The following DAB1 variants were observed in gnomAD, a reference collection of about 807,000 sequenced individuals.
The protein encoded by DAB1 is disabled homolog 1.
A neutral mutation model predicts 64.6 loss-of-function variants in DAB1; 15 were observed. The ratio of observed to expected loss-of-function variants is 0.23; its 90% confidence interval spans 0.16 to 0.36. DAB1 has a LOEUF of 0.36. DAB1 is among the 10% of genes least tolerant of loss of function. DAB1 has a pLI of 1.00. For missense variants in DAB1, 596 were observed against 706.7 expected (o/e 0.84, Z 1.78); for synonymous variants, 235 against 251.9 (o/e 0.93, Z 0.64).
chr1:57,920,441 T>C (rs565136208), intron 5 of DAB1, among the ~76,000 whole-genome samples: 1 of 152,198 alleles, frequency 6.6e-6, no homozygotes, highest in South Asian at 2.1e-4. Flanking sequence ...GCCTCCCAAG[T>C]AGCTGGTGAG....
At chr1:57,024,643 C>T (rs2100385769) in intron 10 of DAB1, among the ~76,000 whole-genome samples, 1 of 152,314 alleles carries the variant, frequency 6.6e-6, no homozygotes, top group South Asian at 2.1e-4. Context: ...GTGTTAAGCA[C>T]TTTTAAACAC....
At chr1:58,068,491 C>T (rs866724754) in intron 5 of DAB1, among the ~76,000 whole-genome samples, 10 of 152,136 alleles carry the variant, frequency 6.6e-5, no homozygotes, top group African/African-American at 2.4e-4. Flanking sequence ...ATCGCCTGGG[C>T]ATGGTGGCTC....
intron 3 of DAB1, among the ~76,000 whole-genome samples, chr1:58,499,554 G>A (rs1048334280): frequency 8.2e-5 from 12 of 145,774 alleles, no homozygotes; most frequent in Admixed American, 7.5e-4. Context: ...TTTCAGTCAG[G>A]AAAAGTAGCT....
intron 5 of DAB1, among the ~76,000 whole-genome samples, chr1:57,982,604 T>A (rs1453472263): frequency 6.6e-6 from 1 of 152,186 alleles, no homozygotes; most frequent in African/African-American, 2.4e-5. Flanking sequence ...GTGGTTTCAG[T>A]ATCTTTAAGA....
intron 1 of DAB1, among the ~76,000 whole-genome samples, chr1:57,384,172 C>T (rs1681603421): frequency 6.6e-6 from 1 of 152,080 alleles, no homozygotes; most frequent in South Asian, 2.1e-4. Flanking sequence ...TAGGAAAATG[C>T]AAATTAAAGC....
intron 7 of DAB1, among the ~76,000 whole-genome samples, chr1:57,504,250 G>T (rs554757197): frequency 6.6e-5 from 10 of 152,070 alleles, no homozygotes; most frequent in Non-Finnish European, 1.5e-4. Context: ...TTCAATAAAG[G>T]GAACCAGGAT....
At chr1:58,444,524 C>T (rs1645044932) in intron 3 of DAB1, among the ~76,000 whole-genome samples, 1 of 152,184 alleles carries the variant, frequency 6.6e-6, no homozygotes, top group Non-Finnish European at 1.5e-5. Flanking sequence ...CACCCCAACC[C>T]TCACAGCAGC....
intron 4 of DAB1, among the ~76,000 whole-genome samples, chr1:58,324,040 T>G (rs952364243): frequency 5.3e-5 from 8 of 152,138 alleles, no homozygotes; most frequent in Non-Finnish European, 8.8e-5. Flanking sequence ...GTCTCACTGG[T>G]GGTACAAACA....
intron 1 of DAB1, among the ~76,000 whole-genome samples, chr1:57,314,981 A>T (rs960070913): frequency 6.6e-6 from 1 of 152,198 alleles, no homozygotes; most frequent in Admixed American, 6.5e-5. Context: ...TGTCAAGGGC[A>T]CTTACTTTAA....
intron 2 of DAB1, among the ~76,000 whole-genome samples, chr1:57,274,413 A>T (rs966873341): frequency 3.3e-5 from 5 of 152,212 alleles, no homozygotes; most frequent in Non-Finnish European, 7.3e-5. Context: ...TCTTTTAAAA[A>T]TCCAGACGAG....
intron 4 of DAB1, among the ~76,000 whole-genome samples, chr1:58,207,736 G>C (rs1159428879): frequency 2.0e-5 from 3 of 152,150 alleles, no homozygotes; most frequent in African/African-American, 7.2e-5. Context: ...GATATAGGTA[G>C]TCAACACAGA....
chr1:58,347,805 G>C (rs1644015926), intron 3 of DAB1, among the ~76,000 whole-genome samples: 1 of 151,804 alleles, frequency 6.6e-6, no homozygotes, highest in Non-Finnish European at 1.5e-5. Context: ...GGAAAGAGAA[G>C]CTAACTATTT....
intron 5 of DAB1, among the ~76,000 whole-genome samples, chr1:58,125,762 T>C (rs1290828004): frequency 1.3e-5 from 2 of 152,170 alleles, no homozygotes; most frequent in Non-Finnish European, 2.9e-5. Flanking sequence ...TAACACTTTT[T>C]ATGGGACATT....
At chr1:57,001,461 A>G (rs1334112060) in intron 14 of DAB1, among the ~76,000 whole-genome samples, 1 of 152,198 alleles carries the variant, frequency 6.6e-6, no homozygotes, top group African/African-American at 2.4e-5. Context: ...CTTCTAGAGC[A>G]TGAATCAAAA....
rs372665182 is a variant in DAB1 at position 57,145,353 on chromosome 1, C to T, written c.144G>A (p.Gly48=). ...EGVRYKAKLI[G]IDEVSAARGD... is the part of the protein sequence containing the mutation. ...CCCGAGCTGCGGAAACTTCATCAAT[C>T]CCGATCAATTTGGCTTTGTACCGGA... Residue 48 remains glycine (G), a synonymous_variant, in exon 3 of 15, where the codon GGG becomes GGA. Coordinates refer to ENST00000371236, the MANE Select transcript of DAB1 (RefSeq NM_001365792.1). 6.2e-7 allele frequency: 1 copy of T among 1,614,120 alleles called. No homozygotes were observed. The highest frequency in any genetic ancestry group is 8.5e-7 in the Non-Finnish European group (1 of 1,179,976).
chr1:57,828,612 T>A (rs1421611600), intron 1 of DAB1, among the ~76,000 whole-genome samples: 1 of 152,218 alleles, frequency 6.6e-6, no homozygotes, highest in East Asian at 1.9e-4. Context: ...TGCATGTAGA[T>A]ACTGACTTGG....
At chr1:58,490,591 ATG>A (rs1645663648) in intron 3 of DAB1, among the ~76,000 whole-genome samples, 6 of 152,094 alleles carry the variant, frequency 3.9e-5, no homozygotes, top group African/African-American at 1.4e-4. Context: ...AATACAGAGA[ATG>A]CCACAAAGAT....
chr1:57,847,944 G>A (rs1653360225), intron 1 of DAB1, among the ~76,000 whole-genome samples: 1 of 152,116 alleles, frequency 6.6e-6, no homozygotes, highest in Non-Finnish European at 1.5e-5. Context: ...CTATTACAAA[G>A]TAGGAGATTA....
rs77476641 is a variant in DAB1 at position 57,671,027 on chromosome 1, A to G, written n.552-21362T>C. Reference sequence around the variant, plus strand: ...AATGCCTACATGTCACTTCATTCACATGGATTCAACATAGTACTCAGCACA... The same window carrying G: ...AATGCCTACATGTCACTTCATTCACGTGGATTCAACATAGTACTCAGCACA... On this transcript the variant is annotated intron_variant and non_coding_transcript_variant, in intron 6 of 20. Transcript: ENST00000485760. Among the ~76,000 whole-genome samples the G allele has an allele frequency of 4.1e-3, 623 of 152,272 alleles. 7 individuals are homozygous for G. The highest frequency in any genetic ancestry group is 6.8e-3 in the Middle Eastern group (2 of 294).
Sources: allele counts gnomAD v4.1 joint callset (sites outside exome capture counted in the v4.1 genomes callset), GRCh38; gene constraint gnomAD v4.1.1; transcripts MANE v1.5; gene names NCBI Gene and HGNC (gene_info 2026-07-23, HGNC 2026-07-21).